PARN: variants seen among roughly 807,000 people sequenced by gnomAD.
The protein encoded by PARN is poly(A)-specific ribonuclease PARN.
In PARN, 71 loss-of-function variants were observed where a neutral mutation model predicts 102.8. That is an observed-to-expected ratio of 0.69 (90% CI 0.57 to 0.84). The LOEUF (loss-of-function observed/expected upper bound fraction) is 0.84, where lower values mean the gene tolerates loss of function less well. Ranked by LOEUF, PARN falls within the 40% of genes least tolerant of loss-of-function variation. The pLI, the probability that PARN is intolerant of heterozygous loss-of-function variation, is 0.00. For synonymous variants in PARN, 261 were observed against 252.9 expected, an observed-to-expected ratio of 1.03 and a Z score of -0.30; for missense variants, 782 against 760.9, an observed-to-expected ratio of 1.03 and a Z score of -0.33.
chr16:14,604,285 A>T (rs1200591832), intron 10 of PARN, 59 bp from the exon 11 acceptor site: 1 of 1,095,184 alleles, frequency 9.1e-7, no homozygotes, highest in Non-Finnish European at 1.3e-6. Context: ...TTTGAGACAG[A>T]GTTTCGCTCT....
At chr16:14,466,559 T>C (rs1962368519) in intron 22 of PARN, among the ~76,000 whole-genome samples, 1 of 152,226 alleles carries the variant, frequency 6.6e-6, no homozygotes, top group Non-Finnish European at 1.5e-5. Context: ...AAGTTCCTTC[T>C]GGCTCCACAA....
At chr16:14,597,642 C>G (rs765461195) in intron 12 of PARN, among the ~76,000 whole-genome samples, 6 of 151,382 alleles carry the variant, frequency 4.0e-5, no homozygotes, top group African/African-American at 1.5e-4. Context: ...GCTTGCAGTA[C>G]GCCAAGATCG....
At chr16:14,609,988 G>T (rs1056882509) in intron 7 of PARN, among the ~76,000 whole-genome samples, 18 of 151,832 alleles carry the variant, frequency 1.2e-4, no homozygotes, top group Non-Finnish European at 4.4e-5. Context: ...GAGGCAGGAA[G>T]ATCCCTTGAG....
At chr16:14,523,981 T>C (rs1051438697) in intron 21 of PARN, among the ~76,000 whole-genome samples, 7 of 151,982 alleles carry the variant, frequency 4.6e-5, no homozygotes, top group African/African-American at 1.2e-4. Context: ...CTGAATACGG[T>C]AGGCAACTGT....
intron 21 of PARN, among the ~76,000 whole-genome samples, chr16:14,545,165 G>A (rs1419023753): frequency 6.6e-6 from 1 of 152,206 alleles, no homozygotes; most frequent in Non-Finnish European, 1.5e-5. Context: ...GGGTGACAGA[G>A]CCAGACTCTG....
intron 21 of PARN, among the ~76,000 whole-genome samples, chr16:14,546,661 C>A (rs1373522419): frequency 6.6e-6 from 1 of 152,176 alleles, no homozygotes. Flanking sequence ...CATTTAAAGA[C>A]ACTCAAAACA....
intron 10 of PARN, among the ~76,000 whole-genome samples, chr16:14,604,706 C>G (rs1022049322): frequency 6.6e-6 from 1 of 151,868 alleles, no homozygotes; most frequent in Non-Finnish European, 1.5e-5. Flanking sequence ...AACTCTGCCT[C>G]CCAGATTCAA....
intron 22 of PARN, among the ~76,000 whole-genome samples, chr16:14,463,374 C>T (rs1962105050): frequency 2.0e-5 from 3 of 151,986 alleles, no homozygotes; most frequent in East Asian, 1.9e-4. Flanking sequence ...ATAAAGACTA[C>T]CAGGTTTCCT....
chr16:14,458,792 C>G (rs895990304), intron 22 of PARN, among the ~76,000 whole-genome samples: 1 of 152,142 alleles, frequency 6.6e-6, no homozygotes, highest in African/African-American at 2.4e-5. Flanking sequence ...ACTGGTATCA[C>G]CCCAGGCCAG....
At chr16:14,455,541 G>T (rs1283524041) in intron 22 of PARN, among the ~76,000 whole-genome samples, 1 of 152,100 alleles carries the variant, frequency 6.6e-6, no homozygotes, top group Non-Finnish European at 1.5e-5. Context: ...TGTAACATTT[G>T]GCTATCCTAG....
At chr16:14,605,211 T>A (rs1157798421) in intron 10 of PARN, among the ~76,000 whole-genome samples, 3 of 152,356 alleles carry the variant, frequency 2.0e-5, no homozygotes, top group Admixed American at 6.5e-5. Context: ...CCCAAAGTGC[T>A]GGGATTACAG....
At chr16:14,534,531 A>G (rs1966524972) in intron 21 of PARN, among the ~76,000 whole-genome samples, 1 of 152,142 alleles carries the variant, frequency 6.6e-6, no homozygotes, top group East Asian at 1.9e-4. Flanking sequence ...GATATTCTAT[A>G]ATGAGTTCAT....
rs370455325 is a variant in PARN at position 14,584,737 on chromosome 16, A to G, written c.1005+12T>C. 5.3e-5 allele frequency: 83 copies of G among 1,562,974 alleles called. No homozygotes were observed. The highest frequency in any genetic ancestry group is 6.9e-5 in the Non-Finnish European group (80 of 1,153,234). On this transcript the variant is annotated intron_variant, in intron 15 of 23. Transcript: ENST00000437198. ...TATGCAGTCGCTTTATAAAGTAGCA[A>G]ATGAATAATACCTTAAAAGGTTGTG...
At chr16:14,525,634 A>C (rs866298383) in intron 21 of PARN, among the ~76,000 whole-genome samples, 1 of 152,188 alleles carries the variant, frequency 6.6e-6, no homozygotes, top group South Asian at 2.1e-4. Flanking sequence ...CTACCTGCAA[A>C]GGGGCCCTGC....
chr16:14,561,569 C>G (rs918879720), intron 18 of PARN, among the ~76,000 whole-genome samples: 5 of 152,130 alleles, frequency 3.3e-5, no homozygotes, highest in Non-Finnish European at 7.4e-5. Flanking sequence ...CCCACTGCTT[C>G]GGGAGGCAGA....
At chr16:14,485,961 T>C (rs1267243820) in intron 21 of PARN, among the ~76,000 whole-genome samples, 1 of 152,218 alleles carries the variant, frequency 6.6e-6, no homozygotes, top group African/African-American at 2.4e-5. Context: ...GTGCTGGGAT[T>C]ATGGGCGTGA....
At chr16:14,493,667 A>G (rs1964168215) in intron 21 of PARN, among the ~76,000 whole-genome samples, 1 of 152,202 alleles carries the variant, frequency 6.6e-6, no homozygotes, top group African/African-American at 2.4e-5. Flanking sequence ...TCTAGGTGGG[A>G]AATGATAATC....
At chr16:14,542,305 CT>C (rs776010918) in intron 21 of PARN, among the ~76,000 whole-genome samples, 54 of 144,954 alleles carry the variant, frequency 3.7e-4, no homozygotes, top group Middle Eastern at 3.5e-3. Flanking sequence ...CACACCTGGG[CT>C]TTTTTTTTTT....
At chr16:14,482,322 G>A (rs1384407292) in intron 22 of PARN, among the ~76,000 whole-genome samples, 1 of 151,960 alleles carries the variant, frequency 6.6e-6, no homozygotes, top group African/African-American at 2.4e-5. Context: ...AGCCCAGGAG[G>A]TCGAAGCTGC....
Sources: gnomAD v4.1 joint callset for allele counts (sites outside exome capture counted in the v4.1 genomes callset) on GRCh38, gnomAD v4.1.1 for gene constraint, MANE v1.5 for transcripts, NCBI Gene and HGNC (gene_info 2026-07-23, HGNC 2026-07-21) for gene names.